The following BNC2 variants were observed in gnomAD, a reference collection of about 807,000 sequenced individuals.
BNC2 encodes zinc finger protein basonuclin-2.
In BNC2, 20 loss-of-function variants were observed where a neutral mutation model predicts 76.3. That is an observed-to-expected ratio of 0.26 (90% CI 0.18 to 0.38). BNC2 has a LOEUF of 0.38. BNC2 is among the 10% of genes least tolerant of loss of function. BNC2 has a pLI of 1.00. For synonymous variants in BNC2, 582 were observed against 514.8 expected, an observed-to-expected ratio of 1.13 and a Z score of -1.77; for missense variants, 1,382 against 1,399.8, an observed-to-expected ratio of 0.99 and a Z score of 0.20.
chr9:16,695,944 G>T (rs10733315), intron 3 of BNC2, among the ~76,000 whole-genome samples: 1 of 151,816 alleles, frequency 6.6e-6, no homozygotes, highest in Non-Finnish European at 1.5e-5. Context: ...ATTACCATAA[G>T]CCCATTAACA....
chr9:16,644,337 A>G (rs947549701), intron 3 of BNC2, among the ~76,000 whole-genome samples: 1 of 152,196 alleles, frequency 6.6e-6, no homozygotes, highest in Admixed American at 6.6e-5. Flanking sequence ...TTAGGTTCCA[A>G]GCACCTTAAA....
intron 5 of BNC2, among the ~76,000 whole-genome samples, chr9:16,450,868 G>A (rs1205104903): frequency 6.6e-6 from 1 of 152,204 alleles, no homozygotes; most frequent in Non-Finnish European, 1.5e-5. Flanking sequence ...AACTTCAACT[G>A]AGCAGGTGCT....
intron 3 of BNC2, among the ~76,000 whole-genome samples, chr9:16,585,991 A>C (rs1458753175): frequency 6.6e-6 from 1 of 152,192 alleles, no homozygotes; most frequent in Admixed American, 6.5e-5. Flanking sequence ...TGCAGAGATT[A>C]GTATTCAGGT....
chr9:16,777,163 GTAAATAAA>G (rs887355399), intron 1 of BNC2, among the ~76,000 whole-genome samples: 1 of 151,578 alleles, frequency 6.6e-6, no homozygotes, highest in Non-Finnish European at 1.5e-5. Context: ...AAAAATAAAA[GTAAATAAA>G]TAAATAAATA....
chr9:16,846,341 T>C (rs1329210159), intron 1 of BNC2, among the ~76,000 whole-genome samples: 1 of 152,182 alleles, frequency 6.6e-6, no homozygotes, highest in African/African-American at 2.4e-5. Flanking sequence ...CTTTTCACTA[T>C]TTCCTTAAGC....
chr9:16,474,081 T>C (rs1821881344), intron 5 of BNC2, among the ~76,000 whole-genome samples: 2 of 152,174 alleles, frequency 1.3e-5, no homozygotes, highest in East Asian at 1.9e-4. Flanking sequence ...AGACACCCAA[T>C]CTTGACTGAT....
At chr9:16,817,288 G>A (rs946555257) in intron 1 of BNC2, among the ~76,000 whole-genome samples, 1 of 152,088 alleles carries the variant, frequency 6.6e-6, no homozygotes, top group African/African-American at 2.4e-5. Flanking sequence ...TCCTCTCCTC[G>A]CAAAGTAATG....
At chr9:16,789,809 C>A (rs1817449509) in intron 1 of BNC2, among the ~76,000 whole-genome samples, 1 of 152,200 alleles carries the variant, frequency 6.6e-6, no homozygotes, top group South Asian at 2.1e-4. Flanking sequence ...GTACATGCTG[C>A]CTGGCACACT....
chr9:16,445,768 T>C (rs1412166669), intron 5 of BNC2, among the ~76,000 whole-genome samples: 3 of 152,312 alleles, frequency 2.0e-5, no homozygotes, highest in African/African-American at 7.2e-5. Flanking sequence ...AAATATGCTT[T>C]CCTCATCCAC....
chr9:16,805,491 C>A (rs764072517), intron 1 of BNC2, among the ~76,000 whole-genome samples: 2 of 151,932 alleles, frequency 1.3e-5, no homozygotes, highest in Non-Finnish European at 2.9e-5. Flanking sequence ...CACAGCCTGG[C>A]TAATTTTTGT....
At chr9:16,687,790 G>A (rs989904657) in intron 3 of BNC2, among the ~76,000 whole-genome samples, 4 of 152,256 alleles carry the variant, frequency 2.6e-5, no homozygotes, top group African/African-American at 9.6e-5. Flanking sequence ...CACAGTCACA[G>A]AATGCACTTT....
intron 3 of BNC2, among the ~76,000 whole-genome samples, chr9:16,626,780 C>T (rs144060279): frequency 2.8e-4 from 43 of 152,186 alleles, no homozygotes; most frequent in Non-Finnish European, 5.3e-4. Flanking sequence ...TGGAAGGAAG[C>T]GAGAACAGGG....
At chr9:16,546,439 T>A (rs1818484734) in intron 5 of BNC2, among the ~76,000 whole-genome samples, 1 of 152,188 alleles carries the variant, frequency 6.6e-6, no homozygotes. Flanking sequence ...TCCCTGCACA[T>A]GGTATAGCTG....
At chr9:16,448,967 T>C (rs996884058) in intron 5 of BNC2, among the ~76,000 whole-genome samples, 9 of 152,212 alleles carry the variant, frequency 5.9e-5, no homozygotes, top group African/African-American at 2.2e-4. Context: ...TAAGCCACTA[T>C]CAACGTAGAG....
At chr9:16,671,698 G>A (rs1231301076) in intron 3 of BNC2, among the ~76,000 whole-genome samples, 6 of 152,118 alleles carry the variant, frequency 3.9e-5, no homozygotes, top group Non-Finnish European at 7.4e-5. Context: ...GTAAAGGAGA[G>A]CAGTTGGCCC....
intron 3 of BNC2, among the ~76,000 whole-genome samples, chr9:16,647,220 CTT>C (rs2133910867): frequency 6.6e-6 from 1 of 152,228 alleles, no homozygotes; most frequent in African/African-American, 2.4e-5. Context: ...TAACTCCACT[CTT>C]TGTTGCAACT....
chr9:16,642,635 G>A (rs1408769958), intron 3 of BNC2, among the ~76,000 whole-genome samples: 2 of 152,192 alleles, frequency 1.3e-5, no homozygotes, highest in African/African-American at 4.8e-5. Context: ...TAGGAAGACT[G>A]TCATCACTAA....
intron 1 of BNC2, chr9:16,867,353 T>C (rs1041207768): frequency 2.0e-5 from 3 of 152,190 alleles, no homozygotes; most frequent in African/African-American, 7.2e-5. Flanking sequence ...TATTGTTTAA[T>C]CTTACCTGCA....
At chr9:16,521,646 C>T (rs1308265471) in intron 5 of BNC2, among the ~76,000 whole-genome samples, 6 of 152,094 alleles carry the variant, frequency 3.9e-5, no homozygotes, top group African/African-American at 1.4e-4. Flanking sequence ...GGTTTTTTGA[C>T]ATGTATTTTA....
Sources: gnomAD v4.1 joint callset for allele counts (sites outside exome capture counted in the v4.1 genomes callset) on GRCh38, gnomAD v4.1.1 for gene constraint, MANE v1.5 for transcripts, NCBI Gene and HGNC (gene_info 2026-07-23, HGNC 2026-07-21) for gene names.